The following ERC2 variants were observed in gnomAD, a reference collection of about 807,000 sequenced individuals.
The protein encoded by ERC2 is ERC protein 2.
In ERC2, 42 loss-of-function variants were observed where a neutral mutation model predicts 114.8. That is an observed-to-expected ratio of 0.37 (90% CI 0.29 to 0.47). ERC2 has a LOEUF of 0.47. ERC2 is among the 20% of genes least tolerant of loss of function. The probability of loss-of-function intolerance (pLI) is 0.99; values close to 1 mark genes in which losing one functional copy is unlikely to be tolerated. For missense variants in ERC2, 939 were observed against 1,150.7 expected (o/e 0.82, Z 2.66); for synonymous variants, 454 against 425.5 (o/e 1.07, Z -0.82).
At chr3:55,757,091 T>C (rs1310822503) in intron 14 of ERC2, among the ~76,000 whole-genome samples, 2 of 152,122 alleles carry the variant, frequency 1.3e-5, no homozygotes. Flanking sequence ...CTACTCCCCT[T>C]GAAACTATGG....
At position 55,699,420 on chromosome 3, in the gene ERC2, A is replaced by C; in HGVS notation, c.2805T>G (p.Pro935=). The C allele has an allele frequency of 6.2e-7, 1 of 1,613,838 alleles. No homozygotes were observed. Among genetic ancestry groups the C allele is most frequent in the African/African-American group, 1.3e-5 (1 of 75,018 alleles). ...TGTGATTGGAATGTTGCGACCTCCC[A>C]GGAGATCGATGGTGGTGGTGATGGT... ...HHHHHHHHRS[P]GRSQHSNHRP... is the part of the protein sequence containing the mutation. The change falls in exon 16 of 18, where the codon CCT becomes CCG. Residue 935 remains proline (P), a synonymous_variant. Coordinates refer to ENST00000288221, the MANE Select transcript of ERC2 (RefSeq NM_015576.3).
intron 2 of ERC2, among the ~76,000 whole-genome samples, chr3:56,326,390 C>CT (rs1050339632): frequency 1.3e-5 from 2 of 152,092 alleles, no homozygotes; most frequent in African/African-American, 4.8e-5. Flanking sequence ...CAAACCCCAG[C>CT]TTTTTTTTCT....
At chr3:56,214,118 C>T (rs1355707209) in intron 3 of ERC2, among the ~76,000 whole-genome samples, 14 of 152,194 alleles carry the variant, frequency 9.2e-5, no homozygotes, top group Admixed American at 9.2e-4. Context: ...CAAAGGAATG[C>T]AGCAACGGAA....
intron 7 of ERC2, among the ~76,000 whole-genome samples, chr3:56,043,127 A>G (rs1236910784): frequency 1.3e-5 from 2 of 152,188 alleles, no homozygotes; most frequent in African/African-American, 4.8e-5. Context: ...CTCCTAATAT[A>G]GTGTAAAGTC....
At chr3:56,260,177 T>G (rs1392627725) in intron 3 of ERC2, among the ~76,000 whole-genome samples, 1 of 152,164 alleles carries the variant, frequency 6.6e-6, no homozygotes, top group African/African-American at 2.4e-5. Flanking sequence ...GCTCCCTCAG[T>G]CCACTTGGTC....
intron 3 of ERC2, among the ~76,000 whole-genome samples, chr3:56,216,764 C>A (rs760640076): frequency 1.3e-5 from 2 of 152,190 alleles, no homozygotes; most frequent in Non-Finnish European, 2.9e-5. Flanking sequence ...CAAACCAAAT[C>A]CAGCAGCACA....
intron 2 of ERC2, among the ~76,000 whole-genome samples, chr3:56,383,069 G>A (rs1480562121): frequency 6.6e-6 from 1 of 151,910 alleles, no homozygotes; most frequent in African/African-American, 2.4e-5. Context: ...AATCTACCCA[G>A]CTTTATCATC....
chr3:55,743,454 C>G (rs2066097113), intron 14 of ERC2, among the ~76,000 whole-genome samples: 1 of 145,656 alleles, frequency 6.9e-6, no homozygotes, highest in Non-Finnish European at 1.5e-5. Context: ...AGCTATTCCC[C>G]CTATTCTAAA....
intron 17 of ERC2, among the ~76,000 whole-genome samples, chr3:55,537,121 A>G (rs62251470): frequency 0.03 from 4,512 of 152,348 alleles, 92 homozygotes; most frequent in Middle Eastern, 0.065. Flanking sequence ...CTTTGCCAGC[A>G]TGCTGGGAGG....
intron 1 of ERC2, among the ~76,000 whole-genome samples, chr3:56,456,955 TCGAAG>T (rs1251818931): frequency 2.3e-5 from 3 of 131,784 alleles, no homozygotes; most frequent in Admixed American, 1.8e-4. Flanking sequence ...GTAAATCATA[TCGAAG>T]TAAAGTAAGA....
rs371726849 is a variant in ERC2 at position 56,239,485 on chromosome 3, G to A, written c.1074+56534C>T. Among the ~76,000 whole-genome samples the A allele has an allele frequency of 3.7e-4, 56 of 152,224 alleles. No homozygotes were observed. In the East Asian group the frequency reaches 9.3e-3, roughly 25 times the overall value. On this transcript the variant is annotated intron_variant, in intron 3 of 17. Transcript: ENST00000288221. ...CCCACCACTGCACTCCAGCCTGGGCGACAGAGTGAGTCTCTGTCTGAAAAA... is the reference window on the plus strand; with the variant it reads ...CCCACCACTGCACTCCAGCCTGGGCAACAGAGTGAGTCTCTGTCTGAAAAA...
intron 2 of ERC2, among the ~76,000 whole-genome samples, chr3:56,307,931 G>C (rs1246345099): frequency 6.6e-6 from 1 of 152,098 alleles, no homozygotes; most frequent in Non-Finnish European, 1.5e-5. Context: ...GAGGACCAGA[G>C]GGAAACTGTC....
chr3:56,068,543 C>T (rs1329833107), intron 7 of ERC2, among the ~76,000 whole-genome samples: 4 of 152,166 alleles, frequency 2.6e-5, no homozygotes, highest in Admixed American at 1.3e-4. Context: ...TCTCTATCTC[C>T]ATCAGTTCTG....
chr3:55,621,028 G>T (rs1261708200), intron 17 of ERC2, among the ~76,000 whole-genome samples: 1 of 152,136 alleles, frequency 6.6e-6, no homozygotes, highest in Non-Finnish European at 1.5e-5. Context: ...ATAGGGATAT[G>T]AAAGATGGTT....
chr3:55,655,636 C>A (rs2060824111), intron 17 of ERC2, among the ~76,000 whole-genome samples: 1 of 152,178 alleles, frequency 6.6e-6, no homozygotes, highest in South Asian at 2.1e-4. Flanking sequence ...CCAGACTGGA[C>A]CCTATGGATA....
chr3:55,919,333 C>A (rs1399877766), intron 13 of ERC2, among the ~76,000 whole-genome samples: 1 of 152,094 alleles, frequency 6.6e-6, no homozygotes, highest in African/African-American at 2.4e-5. Flanking sequence ...GAGCTATGAC[C>A]ATGCCACTGC....
At chr3:55,771,538 T>G (rs555445483) in intron 14 of ERC2, among the ~76,000 whole-genome samples, 5 of 152,328 alleles carry the variant, frequency 3.3e-5, no homozygotes, top group Admixed American at 3.3e-4. Context: ...TCCCATGCTC[T>G]TAACCTCTCT....
At chr3:55,867,492 G>C (rs913244336) in intron 14 of ERC2, among the ~76,000 whole-genome samples, 1 of 152,132 alleles carries the variant, frequency 6.6e-6, no homozygotes, top group African/African-American at 2.4e-5. Flanking sequence ...GTGGAGGGAG[G>C]GGAAGCATTT....
intron 14 of ERC2, among the ~76,000 whole-genome samples, chr3:55,752,720 T>G (rs73075145): frequency 0.13 from 19,938 of 152,240 alleles, 1,722 homozygotes; most frequent in Non-Finnish European, 0.19. Flanking sequence ...TGAATTAACT[T>G]ACTCAAGTTT....
Sources: allele counts gnomAD v4.1 joint callset (sites outside exome capture counted in the v4.1 genomes callset), GRCh38; gene constraint gnomAD v4.1.1; transcripts MANE v1.5; gene names NCBI Gene and HGNC (gene_info 2026-07-23, HGNC 2026-07-21).